DMD: variants seen among roughly 807,000 people sequenced by gnomAD.
DMD encodes the protein mutant dystrophin.
Under a neutral mutation model 330.1 loss-of-function variants are expected in DMD, and 63 were observed. The observed-to-expected ratio is 0.19, with a 90% CI of 0.16 to 0.24. DMD has a LOEUF of 0.24. Among genes scored for constraint, DMD ranks in the 10% least tolerant of loss-of-function variants. The pLI, the probability that DMD is intolerant of heterozygous loss-of-function variation, is 1.00. For missense variants in DMD, 3,344 were observed against 2,684.1 expected (o/e 1.25, Z -5.43); for synonymous variants, 1,223 against 959.8 (o/e 1.27, Z -5.07).
At chrX:31,184,082 T>C (rs2041474988) in intron 67 of DMD, among the ~76,000 whole-genome samples, 1 of 110,776 alleles carries the variant, frequency 9.0e-6, no homozygotes, top group African/African-American at 3.3e-5. Flanking sequence ...CTACTTTTTG[T>C]ATTTTTAGTA....
At chrX:32,315,521 AAAAAG>A (rs1296434170) in intron 41 of DMD, among the ~76,000 whole-genome samples, 33 of 110,867 alleles carry the variant, frequency 3.0e-4, no homozygotes, top group African/African-American at 1.1e-3. Flanking sequence ...AATTAAAAAA[AAAAAG>A]AAAAAATCAT....
At chrX:31,783,948 T>C (rs1462045359) in intron 50 of DMD, among the ~76,000 whole-genome samples, 1 of 112,264 alleles carries the variant, frequency 8.9e-6, no homozygotes, top group East Asian at 2.8e-4. Flanking sequence ...AGTCATTTTC[T>C]GCATTGGTTC....
At chrX:31,235,309 C>T (rs1316326571) in intron 63 of DMD, among the ~76,000 whole-genome samples, 1 of 112,037 alleles carries the variant, frequency 8.9e-6, no homozygotes. Flanking sequence ...AGGTTAATGG[C>T]ATTGGAAATT....
chrX:31,187,026 G>C (rs1602496390), intron 67 of DMD, among the ~76,000 whole-genome samples: 1 of 112,835 alleles, frequency 8.9e-6, no homozygotes, highest in South Asian at 3.7e-4. Context: ...AGAAGTTCCA[G>C]AGTTAAACCA....
chrX:32,981,255 G>T (rs1234467095), intron 2 of DMD, among the ~76,000 whole-genome samples: 1 of 111,554 alleles, frequency 9.0e-6, no homozygotes, highest in African/African-American at 3.3e-5. Context: ...ATCACAAGCC[G>T]CTATTTCTGT....
intron 59 of DMD, among the ~76,000 whole-genome samples, chrX:31,445,601 C>A (rs1236851157): frequency 9.0e-6 from 1 of 111,506 alleles, no homozygotes; most frequent in Non-Finnish European, 1.9e-5. Flanking sequence ...ATAACAGTTT[C>A]ATTTAGGGAG....
Position 32,485,734 on chromosome X carries a change from C to CTTTTTTTTTTTTTTTTTTT in DMD, c.2623-654_2623-636dup, listed in dbSNP as rs5902034. ...CTCCTGACCAAACAGGCAACCACTG[C>CTTTTTTTTTTTTTTTTTTT]TTTTTTTTTTTTTTTTTTTTTTTTT... On this transcript the variant is annotated intron_variant, in intron 20 of 78. Coordinates refer to ENST00000357033, the MANE Select transcript of DMD (RefSeq NM_004006.3). 3.9e-4 allele frequency among the ~76,000 whole-genome samples: 14 copies of CTTTTTTTTTTTTTTTTTTT among 36,154 alleles called. 3 individuals are homozygous for CTTTTTTTTTTTTTTTTTTT. Among genetic ancestry groups the CTTTTTTTTTTTTTTTTTTT allele is most frequent in the Non-Finnish European group, 6.1e-4 (13 of 21,467 alleles). The allele number at this position is 36,154 out of a possible 115,157, so 31.4% of individuals were successfully genotyped here. A position where few individuals can be genotyped will look rare whatever the true frequency, so the allele number is the denominator to read the frequency against.
chrX:33,129,535 A>AC, intron 1 of DMD, among the ~76,000 whole-genome samples: 1 of 96,880 alleles, frequency 1.0e-5, no homozygotes, highest in African/African-American at 3.6e-5. Flanking sequence ...AAAAAAAAAA[A>AC]CCCACACCTT....
intron 62 of DMD, among the ~76,000 whole-genome samples, chrX:31,277,927 T>C (rs930180125): frequency 9.2e-6 from 1 of 108,980 alleles, no homozygotes; most frequent in Non-Finnish European, 1.9e-5. Context: ...GGGTAACAGG[T>C]CATGAGCCCC....
At chrX:31,795,553 T>C (rs2091786363) in intron 50 of DMD, among the ~76,000 whole-genome samples, 1 of 112,039 alleles carries the variant, frequency 8.9e-6, no homozygotes. Context: ...GACAGAGCTC[T>C]GCTTGTACTT....
rs764177177 is a variant in DMD at position 32,520,416 on chromosome X, G to T, written c.2169-2285C>A. The stretch of plus-strand genomic sequence containing the variant: ...CTTAAAACATTTTTATTTTTGCTTT[G>T]GCCCAACATAAAATTTCCTGTGTCT... On this transcript the variant is annotated intron_variant, in intron 17 of 78. Transcript: ENST00000357033. Among the ~76,000 whole-genome samples the T allele has an allele frequency of 5.4e-5, 6 of 110,911 alleles. 1 individual carries two copies. The South Asian group carries it at 2.3e-3, about 42-fold the overall frequency.
intron 25 of DMD, among the ~76,000 whole-genome samples, chrX:32,460,071 G>A (rs2098377792): frequency 9.2e-6 from 1 of 109,107 alleles, no homozygotes; most frequent in African/African-American, 3.3e-5. Flanking sequence ...CAAATAATCT[G>A]AACAGTTATT....
Position 32,582,909 on chromosome X carries a change from G to A in DMD, c.1603-9063C>T, listed in dbSNP as rs148913032. 5.3e-3 allele frequency among the ~76,000 whole-genome samples: 586 copies of A among 111,462 alleles called. 7 individuals are homozygous for A. Among genetic ancestry groups the A allele is most frequent in the African/African-American group, 0.018 (555 of 30,723 alleles). On this transcript the variant is annotated intron_variant, in intron 13 of 78. Transcript: ENST00000357033. ...GACCTAGGAGCCATCTCTTTGAAATGTAATTGTTAATGATAGCACGCCTAT... is the reference window on the plus strand; with the variant it reads ...GACCTAGGAGCCATCTCTTTGAAATATAATTGTTAATGATAGCACGCCTAT...
chrX:32,471,949 G>A (rs2040677291), intron 22 of DMD, among the ~76,000 whole-genome samples: 1 of 111,850 alleles, frequency 8.9e-6, no homozygotes, highest in African/African-American at 3.3e-5. Flanking sequence ...TCATACAATT[G>A]TTTTCAAAAA....
intron 74 of DMD, among the ~76,000 whole-genome samples, chrX:31,148,927 C>A (rs1319332451): frequency 3.6e-5 from 4 of 111,910 alleles, no homozygotes; most frequent in Non-Finnish European, 7.5e-5. Flanking sequence ...ATGTGCATGG[C>A]AAATATGATC....
At chrX:31,323,948 G>T (rs944265390) in intron 61 of DMD, among the ~76,000 whole-genome samples, 1 of 108,691 alleles carries the variant, frequency 9.2e-6, no homozygotes, top group Non-Finnish European at 1.9e-5. Context: ...GACTGACGGG[G>T]TTTCTTGTAT....
At chrX:31,209,769 T>G in intron 64 of DMD, 70 bp from the exon 65 acceptor site, 17 of 1,031,516 alleles carry the variant, frequency 1.6e-5, no homozygotes, top group Non-Finnish European at 2.3e-5. Context: ...CTTTTTCCTC[T>G]GAGAATCCTA....
chrX:31,285,943 C>T (rs997158768), intron 62 of DMD, among the ~76,000 whole-genome samples: 3 of 112,070 alleles, frequency 2.7e-5, no homozygotes, highest in African/African-American at 9.7e-5. Flanking sequence ...GGGATTACCA[C>T]CTGTCCTGTT....
chrX:32,411,697 T>C (rs1163092177), intron 30 of DMD, 55 bp downstream of exon 30: 3 of 1,163,448 alleles, frequency 2.6e-6, no homozygotes, highest in Non-Finnish European at 2.3e-6. Context: ...CACTGCAACA[T>C]TTTGTTGAAG....
Sources: allele counts gnomAD v4.1 joint callset (sites outside exome capture counted in the v4.1 genomes callset), GRCh38; gene constraint gnomAD v4.1.1; transcripts MANE v1.5; gene names NCBI Gene and HGNC (gene_info 2026-07-23, HGNC 2026-07-21).